The following PRKG1 variants were observed in gnomAD, a reference collection of about 807,000 sequenced individuals.
PRKG1 encodes the protein protein kinase cGMP-dependent 1.
PRKG1 carries 35 observed loss-of-function variants against 88.1 expected under a neutral mutation model. That is an observed-to-expected ratio of 0.40 (90% CI 0.30 to 0.53). PRKG1 has a LOEUF of 0.53. Among genes scored for constraint, PRKG1 ranks in the 20% least tolerant of loss-of-function variants. The pLI is 0.59. For synonymous variants in PRKG1, 303 were observed against 292.5 expected (o/e 1.04, Z -0.37); for missense variants, 540 against 839.8 (o/e 0.64, Z 4.41).
At chr10:51,897,437 G>T (rs986978356) in intron 4 of PRKG1, among the ~76,000 whole-genome samples, 1 of 152,048 alleles carries the variant, frequency 6.6e-6, no homozygotes, top group African/African-American at 2.4e-5. Context: ...CCTAGGTAGA[G>T]GACATTGTTG....
chr10:51,429,019 C>T (rs1838680833), intron 2 of PRKG1, among the ~76,000 whole-genome samples: 1 of 152,190 alleles, frequency 6.6e-6, no homozygotes, highest in African/African-American at 2.4e-5. Context: ...GCTATCTATA[C>T]ATCCCTTGCT....
intron 3 of PRKG1, among the ~76,000 whole-genome samples, chr10:51,647,598 T>C (rs1029262795): frequency 6.6e-6 from 1 of 152,198 alleles, no homozygotes; most frequent in African/African-American, 2.4e-5. Context: ...CAATGACTAA[T>C]TGTTTGATAG....
intron 2 of PRKG1, among the ~76,000 whole-genome samples, chr10:51,308,323 GTC>G (rs1348880079): frequency 6.6e-6 from 1 of 152,026 alleles, no homozygotes; most frequent in East Asian, 1.9e-4. Flanking sequence ...TCACTATTTA[GTC>G]TCTGGTGATC....
chr10:51,705,493 G>A (rs1254820149), intron 3 of PRKG1, among the ~76,000 whole-genome samples: 1 of 152,116 alleles, frequency 6.6e-6, no homozygotes, highest in Non-Finnish European at 1.5e-5. Context: ...CTTGATAACA[G>A]TCTTATGAAG....
At chr10:51,604,596 C>T (rs1006071213) in intron 3 of PRKG1, among the ~76,000 whole-genome samples, 85 of 152,278 alleles carry the variant, frequency 5.6e-4, no homozygotes, top group African/African-American at 2.0e-3. Flanking sequence ...GTGAGGAGAA[C>T]CTTATCCAAA....
At chr10:51,742,362 A>C (rs951723234) in intron 3 of PRKG1, among the ~76,000 whole-genome samples, 2 of 152,222 alleles carry the variant, frequency 1.3e-5, no homozygotes. Context: ...AAGATATAAT[A>C]AGGAGAATCT....
Position 52,282,335 on chromosome 10 carries a change from A to C in PRKG1, c.1709+19A>C, listed in dbSNP as rs750306167. On this transcript the variant is annotated intron_variant, in intron 14 of 17. Transcript: ENST00000373980. ...CTGGCAGGTATGGATATTGATAGGGAACTGCTGATAAAAATAGACCAGCAT... is the reference window on the plus strand; with the variant it reads ...CTGGCAGGTATGGATATTGATAGGGCACTGCTGATAAAAATAGACCAGCAT... 3 of 1,565,992 alleles carry C rather than the reference A, an allele frequency of 1.9e-6. No individual in the cohort carries two copies. The highest frequency in any genetic ancestry group is 2.6e-6 in the Non-Finnish European group (3 of 1,152,244).
chr10:51,654,519 G>A (rs191396513), intron 3 of PRKG1, among the ~76,000 whole-genome samples: 7 of 151,958 alleles, frequency 4.6e-5, no homozygotes, highest in African/African-American at 1.7e-4. Flanking sequence ...GTCTTCTATG[G>A]TTTTTTATTA....
At chr10:51,825,576 G>T (rs1366605246) in intron 4 of PRKG1, among the ~76,000 whole-genome samples, 2 of 152,068 alleles carry the variant, frequency 1.3e-5, no homozygotes, top group Non-Finnish European at 2.9e-5. Flanking sequence ...AGAGTCCGTG[G>T]TCTGTTCCTG....
chr10:51,071,890 T>A (rs901950190), upstream of PRKG1, among the ~76,000 whole-genome samples: 3 of 152,180 alleles, frequency 2.0e-5, no homozygotes, highest in Admixed American at 2.0e-4. Context: ...TTAAAATATT[T>A]GTTTTCACTT....
At position 51,181,224 on chromosome 10, in the gene PRKG1, A is replaced by ATTTTTTTTTTTTTTTTT. The variant is rs1223588085; in HGVS notation, c.478+27906_478+27922dup. ...AAGCTGACCAAGATTATTATATAGA[A>ATTTTTTTTTTTTTTTTT]TTTTTTTTTTTTTTTTTTTTTTTTT... On this transcript the variant is annotated intron_variant, in intron 2 of 17. Coordinates refer to ENST00000373980, the MANE Select transcript of PRKG1 (RefSeq NM_006258.4). Among the ~76,000 whole-genome samples the ATTTTTTTTTTTTTTTTT allele has an allele frequency of 1.7e-4, 13 of 78,278 alleles. 2 individuals carry two copies. Among genetic ancestry groups the ATTTTTTTTTTTTTTTTT allele is most frequent in the Non-Finnish European group, 2.6e-4 (11 of 42,140 alleles). The allele number at this position is 78,278 out of a possible 152,430, so 51.4% of individuals were successfully genotyped here. A position where few individuals can be genotyped will look rare whatever the true frequency, so the allele number is the denominator to read the frequency against.
chr10:51,464,003 A>G (rs1301375969), intron 2 of PRKG1, among the ~76,000 whole-genome samples: 1 of 151,972 alleles, frequency 6.6e-6, no homozygotes, highest in East Asian at 1.9e-4. Flanking sequence ...GGGGTGCGAT[A>G]GCTCACGCCT....
intron 7 of PRKG1, among the ~76,000 whole-genome samples, chr10:52,066,456 G>A (rs551669160): frequency 9.1e-4 from 139 of 152,178 alleles, no homozygotes; most frequent in Non-Finnish European, 1.7e-3. Flanking sequence ...AAATGAATGA[G>A]TGAATGAATG....
chr10:52,143,692 G>T (rs1290497700), intron 8 of PRKG1, among the ~76,000 whole-genome samples: 1 of 152,134 alleles, frequency 6.6e-6, no homozygotes, highest in Non-Finnish European at 1.5e-5. Context: ...AACCTCAAGA[G>T]CCTACCAAGA....
intron 5 of PRKG1, among the ~76,000 whole-genome samples, chr10:51,938,850 C>G (rs1842848330): frequency 3.9e-5 from 6 of 151,912 alleles, no homozygotes. Context: ...GGAATAATAT[C>G]ATTGTATGTA....
intron 2 of PRKG1, among the ~76,000 whole-genome samples, chr10:51,253,097 G>A (rs562854195): frequency 1.3e-5 from 2 of 151,736 alleles, no homozygotes; most frequent in Non-Finnish European, 2.9e-5. Context: ...TCAATTCATC[G>A]GAGAGCTACA....
intron 3 of PRKG1, among the ~76,000 whole-genome samples, chr10:51,690,416 G>A (rs1271997085): frequency 6.6e-6 from 1 of 152,136 alleles, no homozygotes; most frequent in Non-Finnish European, 1.5e-5. Flanking sequence ...TTTTAACAGG[G>A]AAATAACATG....
intron 5 of PRKG1, among the ~76,000 whole-genome samples, chr10:51,939,219 G>A (rs1564717246): frequency 6.6e-6 from 1 of 151,716 alleles, no homozygotes; most frequent in Non-Finnish European, 1.5e-5. Context: ...TCCTTTTTTA[G>A]AATCTAAACT....
chr10:52,126,967 A>C (rs918711785), intron 7 of PRKG1, among the ~76,000 whole-genome samples: 1 of 152,112 alleles, frequency 6.6e-6, no homozygotes, highest in African/African-American at 2.4e-5. Flanking sequence ...AGTTGACATG[A>C]CTAGATTTAC....
Sources: gnomAD v4.1 joint callset for allele counts (sites outside exome capture counted in the v4.1 genomes callset) on GRCh38, gnomAD v4.1.1 for gene constraint, MANE v1.5 for transcripts, NCBI Gene and HGNC (gene_info 2026-07-23, HGNC 2026-07-21) for gene names.